The following ANKRD28 variants were observed in gnomAD, a reference collection of about 807,000 sequenced individuals.
ANKRD28 encodes the protein serine/threonine-protein phosphatase 6 regulatory ankyrin repeat subunit A.
In ANKRD28, 44 loss-of-function variants were observed where a neutral mutation model predicts 126.5. The ratio of observed to expected loss-of-function variants is 0.35; its 90% CI spans 0.27 to 0.45. The LOEUF (loss-of-function observed/expected upper bound fraction) is 0.45, where lower values mean the gene tolerates loss of function less well. Ranked by LOEUF, ANKRD28 falls within the 20% of genes least tolerant of loss-of-function variation. The probability of loss-of-function intolerance (pLI) is 1.00; values close to 1 mark genes in which losing one functional copy is unlikely to be tolerated. For missense variants in ANKRD28, 1,110 were observed against 1,316.6 expected (o/e 0.84, Z 2.43); for synonymous variants, 442 against 468.5 (o/e 0.94, Z 0.73).
chr3:15,689,964 G>T, intron 18 of ANKRD28, 55 bp downstream of exon 18: 5 of 1,399,684 alleles, frequency 3.6e-6, no homozygotes, highest in South Asian at 1.5e-5. Context: ...ATCAGAAATT[G>T]AAAAAAAGTA....
At chr3:15,799,728 T>C (rs555214409), upstream of ANKRD28, among the ~76,000 whole-genome samples, 1 of 152,182 alleles carries the variant, frequency 6.6e-6, no homozygotes, top group African/African-American at 2.4e-5. Flanking sequence ...TTCACCTACT[T>C]AGACTTAAGC....
At position 15,838,759 on chromosome 3, in the gene ANKRD28, A is replaced by G. The variant is rs1199611375; in HGVS notation, c.27+20618T>C. On this transcript the variant is annotated intron_variant, in intron 1 of 27. Coordinates refer to the ANKRD28 transcript ENST00000399451. This position sits in a 1 kb window ranked among gnomAD's most constrained non-coding sequence, Gnocchi z 4.0. ...ACGAAACTCCGTCTCAAAAAAAAAA[A>G]AAAATCTTCGCAAGAGAAGTTAAAA... Among the ~76,000 whole-genome samples the G allele has an allele frequency of 2.0e-5, 3 of 152,198 alleles. No homozygotes were observed. The highest frequency in any genetic ancestry group is 1.3e-4 in the Admixed American group (2 of 15,278).
At chr3:15,840,317 G>A (rs899115767) in intron 1 of ANKRD28, among the ~76,000 whole-genome samples, 2 of 151,754 alleles carry the variant, frequency 1.3e-5, no homozygotes, top group African/African-American at 4.8e-5. Context: ...TAAAATACCA[G>A]GAATTAACCA....
Position 15,812,899 on chromosome 3 carries a change from A to G in ANKRD28, c.28-17593T>C, listed in dbSNP as rs944446024. Among the ~76,000 whole-genome samples, 1 of 152,200 alleles carries G rather than the reference A, an allele frequency of 6.6e-6. No individual in the cohort carries two copies. Among genetic ancestry groups the G allele is most frequent in the African/African-American group, 2.4e-5 (1 of 41,432 alleles). ...TAAAGAATTCAGAATTTCTAAAAGG[A>G]ACATGAATCCTGAATGTGACCCGAT... On this transcript the variant is annotated intron_variant, in intron 1 of 27. Coordinates refer to the ANKRD28 transcript ENST00000399451. The surrounding 1 kb of genome is among the most constrained non-coding windows in gnomAD (Gnocchi z 4.1).
intron 21 of ANKRD28, among the ~76,000 whole-genome samples, chr3:15,682,590 A>G (rs1450202199): frequency 6.6e-6 from 1 of 152,246 alleles, no homozygotes; most frequent in Non-Finnish European, 1.5e-5. Context: ...ATGACTATAT[A>G]AACTGAAATT....
rs535888792 is a variant in ANKRD28, at chr3:15,679,478, G to A, written c.2475C>T (p.Ala825=). Residue 825 remains alanine, a splice_region_variant and synonymous_variant, in exon 22 of 28, where the codon GCC becomes GCT. Transcript: ENST00000683139. ...TGATTCATTCTGGCTTTACTTACAC[G>A]GCACAATGCAATGGACTAAAAGCAT... ...EGNAFSPLHC[A]VINDNEGAAE... 1.3e-5 allele frequency: 21 copies of A among 1,613,734 alleles called. No homozygotes were observed. The African/African-American group carries it at 1.3e-4, about 10-fold the overall frequency.
At chr3:15,739,118 G>A (rs879635364) in intron 4 of ANKRD28, among the ~76,000 whole-genome samples, 18 of 151,922 alleles carry the variant, frequency 1.2e-4, no homozygotes, top group Non-Finnish European at 2.4e-4. Context: ...ATTTCATATC[G>A]TTCAAACAAT....
intron 1 of ANKRD28, among the ~76,000 whole-genome samples, chr3:15,840,486 CAATGCCAATGACAA>C (rs1559589791): frequency 6.6e-6 from 1 of 151,902 alleles, no homozygotes; most frequent in African/African-American, 2.4e-5. Flanking sequence ...AGATTTAATG[CAATGCCAATGACAA>C]AATACCAATG....
Position 15,747,463 on chromosome 3 carries a change from C to G in ANKRD28, c.351+4287G>C, listed in dbSNP as rs191653475. Reference sequence around the variant, plus strand: ...GACTTCCTTGTTGACCCAACGATCACTCAGGAGCAGGTTATTTAATTTCCA... The same window carrying G: ...GACTTCCTTGTTGACCCAACGATCAGTCAGGAGCAGGTTATTTAATTTCCA... On this transcript the variant is annotated intron_variant, in intron 4 of 27. Transcript: ENST00000683139. 2.0e-3 allele frequency among the ~76,000 whole-genome samples: 302 copies of G among 152,216 alleles called. 1 individual carries two copies. The highest frequency in any genetic ancestry group is 7.1e-3 in the African/African-American group (293 of 41,532).
Position 15,717,502 on chromosome 3 carries a change from T to G in ANKRD28, c.997-2846A>C, listed in dbSNP as rs147334928. On this transcript the variant is annotated intron_variant, in intron 8 of 27. Transcript: ENST00000683139. ...TTTTCTTAATCACCTCAAATCACTT[T>G]AGCAGAAAACTAGGAGTATTAAGAA... is the stretch of plus-strand genomic sequence containing the variant. Among the ~76,000 whole-genome samples, 432 of 150,922 alleles carry G rather than the reference T, an allele frequency of 2.9e-3. 2 individuals carry two copies. The highest frequency in any genetic ancestry group is 0.01 in the Middle Eastern group (3 of 294).
chr3:15,805,584 A>T (rs904173783), intron 1 of ANKRD28, among the ~76,000 whole-genome samples: 1 of 152,194 alleles, frequency 6.6e-6, no homozygotes, highest in Non-Finnish European at 1.5e-5. Context: ...TATCAAAGAC[A>T]ATTTAGCCCT....
chr3:15,801,452 T>G (rs1575733057), upstream of ANKRD28, among the ~76,000 whole-genome samples: 4 of 152,154 alleles, frequency 2.6e-5, no homozygotes, highest in East Asian at 5.8e-4. This position sits in a 1 kb window ranked among gnomAD's most constrained non-coding sequence, Gnocchi z 4.9. Context: ...AAGTGGCTAC[T>G]CTGTGGCAAG....
intron 3 of ANKRD28, among the ~76,000 whole-genome samples, chr3:15,753,184 A>C (rs2057962590): frequency 6.6e-6 from 1 of 152,234 alleles, no homozygotes; most frequent in African/African-American, 2.4e-5. Flanking sequence ...ATAAAGAACC[A>C]GTCAGAGAGC....
At chr3:15,685,173 CT>C (rs2067967487) in intron 21 of ANKRD28, 52 bp downstream of exon 21, 1 of 1,581,298 alleles carries the variant, frequency 6.3e-7, no homozygotes, top group South Asian at 1.1e-5. Flanking sequence ...ATATGTCATT[CT>C]TTTATCTCTG....
chr3:15,768,031 T>C (rs1341050792), intron 2 of ANKRD28, among the ~76,000 whole-genome samples: 1 of 152,132 alleles, frequency 6.6e-6, no homozygotes, highest in Non-Finnish European at 1.5e-5. Flanking sequence ...TATACTAGCA[T>C]ACTGTCAAGC....
At chr3:15,677,397 T>G in intron 25 of ANKRD28, 83 bp downstream of exon 25, 2 of 979,156 alleles carry the variant, frequency 2.0e-6, no homozygotes, top group Non-Finnish European at 3.2e-6. Flanking sequence ...GGTCCTGAGT[T>G]GTTCATTTTA....
chr3:15,741,737 T>TTTTTTTTTTTTTTTC (rs2057033597), intron 4 of ANKRD28, among the ~76,000 whole-genome samples: 1 of 104,846 alleles, frequency 9.5e-6, no homozygotes, highest in African/African-American at 3.6e-5. Context: ...TTTTTTTTTT[T>TTTTTTTTTTTTTTTC]AGCAATTCTT....
intron 3 of ANKRD28, among the ~76,000 whole-genome samples, chr3:15,762,439 A>G (rs1458776089): frequency 6.6e-6 from 1 of 152,148 alleles, no homozygotes; most frequent in Admixed American, 6.5e-5. Flanking sequence ...GAAGGTACTT[A>G]TATCATATTA....
rs1393888953 is a variant in ANKRD28, at chr3:15,746,595, T to C, written c.351+5155A>G. On this transcript the variant is annotated intron_variant, in intron 4 of 27. Transcript: ENST00000683139. ...ATCATGGTGGATTATCTTTTTGATA[T>C]GCTGTTGGATTTGGTTTGCCAGTAT... Among the ~76,000 whole-genome samples the C allele has an allele frequency of 1.3e-5, 2 of 152,362 alleles. 1 individual carries two copies. The highest frequency in any genetic ancestry group is 4.1e-4 in the South Asian group (2 of 4,830).
Sources: allele counts gnomAD v4.1 joint callset (sites outside exome capture counted in the v4.1 genomes callset), GRCh38; gene constraint gnomAD v4.1.1; non-coding constraint Gnocchi (gnomAD v3.1); transcripts MANE v1.5; gene names NCBI Gene and HGNC (gene_info 2026-07-23, HGNC 2026-07-21).